Variants in SGCG observed in about 807,000 individuals in gnomAD.
SGCG encodes gamma-sarcoglycan.
SGCG carries 26 observed loss-of-function variants against 29.3 expected under a neutral mutation model. The observed-to-expected ratio is 0.89, with a 90% CI of 0.65 to 1.23. The LOEUF (loss-of-function observed/expected upper bound fraction) is 1.23. SGCG is among the 50% of genes most tolerant of loss of function. SGCG has a pLI of 0.00. For synonymous variants in SGCG, 145 were observed against 129.7 expected (o/e 1.12, Z -0.80); for missense variants, 353 against 356.0 (o/e 0.99, Z 0.07).
chr13:23,265,552 T>A (rs946568179), intron 4 of SGCG, among the ~76,000 whole-genome samples: 4 of 152,116 alleles, frequency 2.6e-5, no homozygotes, highest in Admixed American at 6.6e-5. Flanking sequence ...CACTCCAGCC[T>A]GGAGACAGAG....
intron 5 of SGCG, among the ~76,000 whole-genome samples, chr13:23,282,274 G>A (rs765052863): frequency 6.6e-6 from 1 of 152,120 alleles, no homozygotes; most frequent in Non-Finnish European, 1.5e-5. Context: ...CTCTATCCAA[G>A]GTCTGACTCT....
At chr13:23,215,157 A>G (rs1878378704) in intron 2 of SGCG, among the ~76,000 whole-genome samples, 1 of 152,194 alleles carries the variant, frequency 6.6e-6, no homozygotes, top group Non-Finnish European at 1.5e-5. Context: ...CTCTTGCTGC[A>G]AGGAGGGACG....
At chr13:23,212,194 A>G (rs1231347980) in intron 2 of SGCG, among the ~76,000 whole-genome samples, 1 of 152,202 alleles carries the variant, frequency 6.6e-6, no homozygotes, top group Non-Finnish European at 1.5e-5. Context: ...ACCATGAGCC[A>G]GTTAAACCTC....
intron 6 of SGCG, 104 bp downstream of exon 6, chr13:23,295,591 C>G (rs1881876030): frequency 3.6e-6 from 3 of 829,348 alleles, no homozygotes; most frequent in Non-Finnish European, 6.3e-6. Context: ...TTTCTTATTT[C>G]ATCAGTTGCC....
chr13:23,234,583 C>CG (rs1566010923), intron 2 of SGCG, 28 bp from the exon 3 acceptor site: 1 of 1,400,436 alleles, frequency 7.1e-7, no homozygotes, highest in Admixed American at 1.7e-5. Flanking sequence ...TAAAAATATA[C>CG]GCATTGTCTC....
At chr13:23,225,525 A>G (rs1337781316) in intron 2 of SGCG, among the ~76,000 whole-genome samples, 2 of 152,150 alleles carry the variant, frequency 1.3e-5, no homozygotes, top group African/African-American at 4.8e-5. Flanking sequence ...TTTGATGCTC[A>G]AACTTTCTCT....
rs1032460393 is a variant in SGCG at position 23,293,950 on chromosome 13, T to C, written c.506-1465T>C. On this transcript the variant is annotated intron_variant, in intron 5 of 7. Coordinates refer to ENST00000218867, the MANE Select transcript of SGCG (RefSeq NM_000231.3). ...GGCAATTTTTCTTCAGTGTCCAATA[T>C]TGAAACTAGTACAAGGGTTGATTTA... Among the ~76,000 whole-genome samples, 11 of 152,342 alleles carry C rather than the reference T, an allele frequency of 7.2e-5. No individual in the cohort carries two copies. The East Asian group carries it at 1.2e-3, about 16-fold the overall frequency.
Position 23,296,861 on chromosome 13 carries a change from T to G in SGCG, c.578+1374T>G, listed in dbSNP as rs7336297. ...TACCACTAGGCTACTGAATGTCATT[T>G]ACACCTATAACTATTCATTCCAATA... On this transcript the variant is annotated intron_variant, in intron 6 of 7. Transcript: ENST00000218867. 8.9e-3 allele frequency among the ~76,000 whole-genome samples: 1,351 copies of G among 152,308 alleles called. 19 individuals are homozygous for G. The highest frequency in any genetic ancestry group is 0.031 in the African/African-American group (1,291 of 41,566).
At chr13:23,211,278 G>C (rs538461) in intron 2 of SGCG, among the ~76,000 whole-genome samples, 37,230 of 152,072 alleles carry the variant, frequency 0.24, 4,879 homozygotes, top group Middle Eastern at 0.33. Context: ...GAGGAGAGGA[G>C]CCAGAAGCCT....
chr13:23,286,543 A>T (rs1463303467), intron 5 of SGCG, among the ~76,000 whole-genome samples: 1 of 152,230 alleles, frequency 6.6e-6, no homozygotes, highest in African/African-American at 2.4e-5. Context: ...GATACGTTCA[A>T]AGAGCCCCAG....
intron 7 of SGCG, among the ~76,000 whole-genome samples, chr13:23,322,491 C>T (rs978008721): frequency 1.3e-5 from 2 of 152,180 alleles, no homozygotes; most frequent in African/African-American, 4.8e-5. Context: ...GCTCCGATGT[C>T]CTTCACAGAT....
intron 6 of SGCG, among the ~76,000 whole-genome samples, chr13:23,299,437 TATATATATATATATATA>T (rs1332598747): frequency 1.2e-3 from 23 of 19,578 alleles, no homozygotes; most frequent in African/African-American, 2.9e-3. Flanking sequence ...TATATATATA[TATATATATATATATATA>T]TATTTTTTTT....
At chr13:23,218,934 A>C (rs981588923) in intron 2 of SGCG, among the ~76,000 whole-genome samples, 2 of 147,744 alleles carry the variant, frequency 1.4e-5, no homozygotes, top group Admixed American at 1.3e-4. Context: ...ATTTAGTATA[A>C]ATATATATTA....
rs528368221 is a variant in SGCG, at chr13:23,198,890, C to T, written c.1-4805C>T. Among the ~76,000 whole-genome samples the T allele has an allele frequency of 9.6e-5, 14 of 145,824 alleles. No homozygotes were observed. The South Asian group carries it at 2.2e-3, about 23-fold the overall frequency. ...TTGGGAGGCCGAGGCAGGCGGATCA[C>T]GAGGTCAGGAGATCGAGACCATCCT... is the stretch of plus-strand genomic sequence containing the variant. On this transcript the variant is annotated intron_variant, in intron 1 of 7. Transcript: ENST00000218867.
chr13:23,231,446 A>G (rs1879108314), intron 2 of SGCG, among the ~76,000 whole-genome samples: 1 of 152,138 alleles, frequency 6.6e-6, no homozygotes, highest in Non-Finnish European at 1.5e-5. Context: ...GACTATGTAA[A>G]TTAGCTACCA....
intron 1 of SGCG, among the ~76,000 whole-genome samples, chr13:23,202,351 G>T (rs1877801241): frequency 6.6e-6 from 1 of 152,226 alleles, no homozygotes; most frequent in Admixed American, 6.5e-5. Context: ...CTTTTCAGCA[G>T]TGTAGTTACG....
chr13:23,266,348 A>T (rs1692919463), intron 4 of SGCG, among the ~76,000 whole-genome samples: 2 of 152,064 alleles, frequency 1.3e-5, no homozygotes, highest in African/African-American at 4.8e-5. Flanking sequence ...TACACCATGG[A>T]AATATATTCA....
At chr13:23,253,902 C>A (rs938644685) in intron 4 of SGCG, among the ~76,000 whole-genome samples, 7 of 152,190 alleles carry the variant, frequency 4.6e-5, no homozygotes, top group Non-Finnish European at 7.3e-5. Context: ...GCACCTGCTC[C>A]TTCTTTGCCT....
At chr13:23,163,750 T>TA in the SGCG span, among the ~76,000 whole-genome samples, 189 of 152,314 alleles carry the variant, frequency 1.2e-3, 5 homozygotes, top group South Asian at 0.037. Flanking sequence ...TATAGTAAGT[T>TA]ACCTGAATAA....
Sources: allele counts gnomAD v4.1 joint callset (sites outside exome capture counted in the v4.1 genomes callset), GRCh38; gene constraint gnomAD v4.1.1; transcripts MANE v1.5; gene names NCBI Gene and HGNC (gene_info 2026-07-23, HGNC 2026-07-21).